Variants in MOSPD3 observed in about 807,000 individuals in gnomAD.
MOSPD3 encodes motile sperm domain containing 3.
Under a neutral mutation model 23.3 loss-of-function variants are expected in MOSPD3, and 20 were observed. That is an observed-to-expected ratio of 0.86 (90% CI 0.61 to 1.25). MOSPD3 has a LOEUF of 1.25. Ranked by LOEUF, MOSPD3 falls within the 50% of genes most tolerant of loss-of-function variation. The pLI is 0.00. For synonymous variants in MOSPD3, 136 were observed against 135.2 expected (o/e 1.01, Z -0.04); for missense variants, 307 against 315.7 (o/e 0.97, Z 0.21).
chr7:100,613,119 C>G (rs1428752946), intron 1 of MOSPD3, 75 bp from the exon 2 acceptor site: 1 of 1,583,788 alleles, frequency 6.3e-7, no homozygotes, highest in Non-Finnish European at 8.7e-7. Flanking sequence ...CATGTCCAGC[C>G]TCCGGGGCAG....
rs1802967609 is a variant in MOSPD3, at chr7:100,615,282, T to G, written c.*99T>G. ...CCTTACCTTGCCTCCTACCCTCTTC[T>G]CTTTCCTGCCTACTCCCCACTCCTC... On this transcript the variant is annotated 3_prime_UTR_variant, in exon 5 of 5. Transcript: ENST00000393950. 1 of 1,133,444 alleles carries G rather than the reference T, an allele frequency of 8.8e-7. No individual in the cohort carries two copies. Among genetic ancestry groups the G allele is most frequent in the Non-Finnish European group, 1.3e-6 (1 of 791,380 alleles). 70.2% of individuals were successfully genotyped at this position (1,133,444 alleles called of 1,614,324 possible). A position where few individuals can be genotyped will look rare whatever the true frequency, so the allele number is the denominator to read the frequency against.
intron 3 of MOSPD3, 148 bp from the exon 4 acceptor site, chr7:100,614,719 G>A (rs1052809688): frequency 5.5e-6 from 5 of 916,492 alleles, no homozygotes; most frequent in Middle Eastern, 3.5e-4. Context: ...GACCAGCCTG[G>A]ACAACGTAGT....
Position 100,613,497 on chromosome 7 carries a change from C to A in MOSPD3, c.302C>A (p.Pro101His), listed in dbSNP as rs867374948. The A allele has an allele frequency of 1.7e-5, 27 of 1,614,032 alleles. No homozygotes were observed. In the Middle Eastern group the frequency reaches 3.6e-3, roughly 216 times the overall value. The change falls in exon 3 of 5, where the codon CCC becomes CAC. Residue 101 changes from proline to histidine, a missense_variant. Pro to His is a moderately conservative substitution (Grantham distance 77). Coordinates refer to ENST00000393950, the MANE Select transcript of MOSPD3 (RefSeq NM_023948.5). ...ACCAGTGTGATTCGCCATGTGGCAC[C>A]CATTCCCAGCCACTATGATGTCCAG... ...CIDIVIRHVA[P>H]IPSHYDVQDR...
rs1802948556 is a variant in MOSPD3, at chr7:100,614,889, C to T, written c.534C>T (p.Thr178=). ...FQEHPRQQLA[T]SSFLLFLLTG... The stretch of plus-strand genomic sequence containing the variant: ...CAGACCCCCGCCAGCAACTGGCCAC[C>T]AGCTCCTTCCTCCTCTTCTTGCTGA... Residue 178 remains threonine, a synonymous_variant, in exon 4 of 5, where the codon ACC becomes ACT. Coordinates refer to ENST00000393950, the MANE Select transcript of MOSPD3 (RefSeq NM_023948.5). 2.5e-6 allele frequency: 4 copies of T among 1,614,164 alleles called. No individual in the cohort carries two copies. Among genetic ancestry groups the T allele is most frequent in the Non-Finnish European group, 3.4e-6 (4 of 1,180,008 alleles).
Position 100,612,672 on chromosome 7 carries a change from A to G in MOSPD3, c.-120A>G. The G allele has an allele frequency of 1.4e-6, 1 of 697,118 alleles. No individual in the cohort carries two copies. The highest frequency in any genetic ancestry group is 2.3e-6 in the Non-Finnish European group (1 of 438,462). 43.2% of individuals were successfully genotyped at this position (697,118 alleles called of 1,614,324 possible). Reference sequence around the variant, plus strand: ...GGGGTTCCAAGGCGGCGGCGGCATCAGTCGAGGCCCTGCTCCGGGAGCTCA... The same window carrying G: ...GGGGTTCCAAGGCGGCGGCGGCATCGGTCGAGGCCCTGCTCCGGGAGCTCA... On this transcript the variant is annotated 5_prime_UTR_variant, in exon 1 of 5. Transcript: ENST00000393950.
rs145606399 is a variant in MOSPD3, at chr7:100,615,176, G to T, written c.701G>T (p.Arg234Leu). 5 of 1,613,894 alleles carry T rather than the reference G, an allele frequency of 3.1e-6. No homozygotes were observed. The Admixed American group carries it at 6.7e-5, about 22-fold the overall frequency. Reference sequence around the variant, plus strand: ...GGCCTCCTCACCATGGTGTTCCTCCGGACCTGAGCTCCGTGCTCAACCCCC... The same window carrying T: ...GGCCTCCTCACCATGGTGTTCCTCCTGACCTGAGCTCCGTGCTCAACCCCC... ...VLGLLTMVFL[R>L]T Residue 234 changes from arginine (R) to leucine (L), a missense_variant, in exon 5 of 5, where the codon CGG becomes CTG. Arg to Leu is a moderately radical substitution (Grantham distance 102). Coordinates refer to ENST00000393950, the MANE Select transcript of MOSPD3 (RefSeq NM_023948.5).
Position 100,613,640 on chromosome 7 carries a change from G to A in MOSPD3, c.445G>A (p.Asp149Asn). The change falls in exon 3 of 5, where the codon GAT becomes AAT. Residue 149 changes from aspartate to asparagine, a missense_variant. Transcript: ENST00000393950. ...CCCCCTTGAGCTTCAGGGACAGCCAGATCCAGCGCCTCGCCCAGGGCCTCC... is the reference window on the plus strand; with the variant it reads ...CCCCCTTGAGCTTCAGGGACAGCCAAATCCAGCGCCTCGCCCAGGGCCTCC... ...AYPLELQGQP[D>N]PAPRPGPPAG... The A allele has an allele frequency of 6.2e-7, 1 of 1,614,106 alleles. No individual in the cohort carries two copies. Among genetic ancestry groups the A allele is most frequent in the Non-Finnish European group, 8.5e-7 (1 of 1,180,044 alleles).
chr7:100,613,364 T>G, intron 2 of MOSPD3, 95 bp downstream of exon 2: 1 of 1,541,544 alleles, frequency 6.5e-7, no homozygotes, highest in South Asian at 1.1e-5. Context: ...TTAACCTATT[T>G]GCCCTATCCT....
At chr7:100,612,487 T>G, upstream of MOSPD3, 2 of 259,378 alleles carry the variant, frequency 7.7e-6, no homozygotes, top group Non-Finnish European at 1.5e-5. Context: ...GAGCTGGGCG[T>G]GAGGAGAAGG....
In MOSPD3 at chr7:100,615,275, C is replaced by A; in HGVS notation, c.*92C>A. 1 of 1,238,410 alleles carries A rather than the reference C, an allele frequency of 8.1e-7. No homozygotes were observed. Among genetic ancestry groups the A allele is most frequent in the East Asian group, 2.4e-5 (1 of 41,600 alleles). 76.7% of individuals were successfully genotyped at this position (1,238,410 alleles called of 1,614,324 possible). A position where few individuals can be genotyped will look rare whatever the true frequency, so the allele number is the denominator to read the frequency against. ...GCTCATACCTTACCTTGCCTCCTAC[C>A]CTCTTCTCTTTCCTGCCTACTCCCC... On this transcript the variant is annotated 3_prime_UTR_variant, in exon 5 of 5. Transcript: ENST00000393950.
rs1802886954 is a variant in MOSPD3 at position 100,613,277 on chromosome 7, A to T, written c.281+8A>T. 2 of 1,608,680 alleles carry T rather than the reference A, an allele frequency of 1.2e-6. No individual in the cohort carries two copies. Among genetic ancestry groups the T allele is most frequent in the Admixed American group, 3.3e-5 (2 of 59,976 alleles). On this transcript the variant is annotated splice_region_variant and intron_variant, in intron 2 of 4. Transcript: ENST00000393950. ...CCAGTCTTGCATTGACATGTGAGTG[A>T]GCTGGGAGGGTGGGGAGGCTTGTGG...
Position 100,615,246 on chromosome 7 carries a change from T to C in MOSPD3, c.*63T>C. ...GGGCAGGGTCTTGAGGCAGCCACTG[T>C]GATGCTCATACCTTACCTTGCCTCC... On this transcript the variant is annotated 3_prime_UTR_variant, in exon 5 of 5. Coordinates refer to ENST00000393950, the MANE Select transcript of MOSPD3 (RefSeq NM_023948.5). The C allele has an allele frequency of 6.6e-7, 1 of 1,511,788 alleles. No individual in the cohort carries two copies. Among genetic ancestry groups the C allele is most frequent in the Non-Finnish European group, 9.1e-7 (1 of 1,098,504 alleles). The allele number at this position is 1,511,788 out of a possible 1,614,324, so 93.6% of individuals were successfully genotyped here.
Position 100,615,355 on chromosome 7 carries a change from A to G in MOSPD3, c.*172A>G. The G allele has an allele frequency of 3.4e-6, 2 of 596,844 alleles. No homozygotes were observed. Among genetic ancestry groups the G allele is most frequent in the Non-Finnish European group, 5.8e-6 (2 of 346,792 alleles). 37.0% of individuals were successfully genotyped at this position (596,844 alleles called of 1,614,324 possible). ...TTTGTACTCATTTTCCAAGTTGAAT[A>G]AAATACATTTTTAAAATGATAATCA... On this transcript the variant is annotated 3_prime_UTR_variant, in exon 5 of 5. Coordinates refer to ENST00000393950, the MANE Select transcript of MOSPD3 (RefSeq NM_023948.5).
Position 100,614,933 on chromosome 7 carries a change from C to T in MOSPD3, c.578C>T (p.Ala193Val), listed in dbSNP as rs2131299343. The T allele has an allele frequency of 6.2e-7, 1 of 1,614,124 alleles. No homozygotes were observed. The highest frequency in any genetic ancestry group is 1.1e-5 in the South Asian group (1 of 91,090). ...LFLLTGIVSV[A>V]FLLLPLPDEL... ...TTGCTGACGGGGATTGTGTCTGTGG[C>T]CTTCCTGCTGCTCCCACTCCCGGAC... The change falls in exon 4 of 5, where the codon GCC becomes GTC. Residue 193 changes from alanine (A) to valine (V), a missense_variant. Coordinates refer to ENST00000393950, the MANE Select transcript of MOSPD3 (RefSeq NM_023948.5).
At position 100,613,628 on chromosome 7, in the gene MOSPD3, CA is replaced by C. The variant is rs1802902868; in HGVS notation, c.434del (p.Gln145ArgfsTer42). 9.3e-6 allele frequency: 15 copies of C among 1,614,068 alleles called. No individual in the cohort carries two copies. The highest frequency in any genetic ancestry group is 1.3e-5 in the Non-Finnish European group (15 of 1,180,046). On this transcript the variant is annotated frameshift_variant, in exon 3 of 5. Transcript: ENST00000393950. LOFTEE classifies it high-confidence loss of function. ...AGCCCCAGCGTACCCCCTTGAGCTT[CA>C]GGGACAGCCAGATCCAGCGCCTCGC... ...LRAPAYPLEL[Q>X]GQPDPAPRPG... is the part of the protein sequence containing the mutation.
In MOSPD3 at chr7:100,613,692, G is replaced by T. The variant is rs1304710930; in HGVS notation, c.497G>T (p.Arg166Ile). 1.2e-6 allele frequency: 2 copies of T among 1,612,696 alleles called. No individual in the cohort carries two copies. The highest frequency in any genetic ancestry group is 2.2e-5 in the South Asian group (2 of 91,084). ...PPAGTPPPTARHFQEHPRQQL... is the reference protein window; with the variant it reads ...PPAGTPPPTAIHFQEHPRQQL... Reference sequence around the variant, plus strand: ...GCTGGGACACCACCACCCACGGCCAGACACTTCCAGGAGCGTGAGTTGGGA... The same window carrying T: ...GCTGGGACACCACCACCCACGGCCATACACTTCCAGGAGCGTGAGTTGGGA... Residue 166 changes from arginine to isoleucine, a missense_variant, in exon 3 of 5, where the codon AGA (arginine) becomes ATA (isoleucine). Coordinates refer to ENST00000393950, the MANE Select transcript of MOSPD3 (RefSeq NM_023948.5).
In MOSPD3 at chr7:100,612,914, A is replaced by G; in HGVS notation, c.123A>G (p.Leu41=). 1 of 1,613,538 alleles carries G rather than the reference A, an allele frequency of 6.2e-7. No homozygotes were observed. The highest frequency in any genetic ancestry group is 8.5e-7 in the Non-Finnish European group (1 of 1,179,938). The stretch of plus-strand genomic sequence containing the variant: ...CGGTCCTGGTCTTTCCCCCGGATCT[A>G]GTATTCAGGGCGGACCAGCGGAGCG... ...VVPVLVFPPD[L]VFRADQRSGP... The change falls in exon 1 of 5, where the codon CTA becomes CTG. Residue 41 remains leucine (L), a synonymous_variant. Transcript: ENST00000393950.
chr7:100,612,687 C>A lies in MOSPD3; in HGVS notation c.-105C>A. ...CGGCGGCATCAGTCGAGGCCCTGCTCCGGGAGCTCATCTTGTCCCCTTTCG... is the reference window on the plus strand; with the variant it reads ...CGGCGGCATCAGTCGAGGCCCTGCTACGGGAGCTCATCTTGTCCCCTTTCG... On this transcript the variant is annotated 5_prime_UTR_variant, in exon 1 of 5. Transcript: ENST00000393950. 1.2e-6 allele frequency: 1 copy of A among 861,384 alleles called. No individual in the cohort carries two copies. The highest frequency in any genetic ancestry group is 1.8e-6 in the Non-Finnish European group (1 of 568,152). 53.4% of individuals were successfully genotyped at this position (861,384 alleles called of 1,614,324 possible).
chr7:100,614,431 A>G (rs1254921392), intron 3 of MOSPD3, among the ~76,000 whole-genome samples: 1 of 147,928 alleles, frequency 6.8e-6, no homozygotes, highest in Non-Finnish European at 1.5e-5. Context: ...GTGTGGCTGC[A>G]CTCCAGCCTG....
Sources: gnomAD v4.1 joint callset for allele counts (sites outside exome capture counted in the v4.1 genomes callset) on GRCh38, gnomAD v4.1.1 for gene constraint, MANE v1.5 for transcripts, NCBI Gene and HGNC (gene_info 2026-07-23, HGNC 2026-07-21) for gene names.